The following ATXN7L1 variants were observed in gnomAD, a reference collection of about 807,000 sequenced individuals.
ATXN7L1 encodes the protein ataxin 7 like 1, also known as ataxin-7-like protein 1.
Under a neutral mutation model 70.8 loss-of-function variants are expected in ATXN7L1, and 15 were observed. The ratio of observed to expected loss-of-function variants is 0.21; its 90% confidence interval spans 0.14 to 0.33. The LOEUF (loss-of-function observed/expected upper bound fraction) is 0.33, where lower values mean the gene tolerates loss of function less well. Ranked by LOEUF, ATXN7L1 falls within the 10% of genes least tolerant of loss-of-function variation. ATXN7L1 has a pLI of 1.00. For missense variants in ATXN7L1, 975 were observed against 1,097.1 expected, an observed-to-expected ratio of 0.89 and a Z score of 1.57; for synonymous variants, 440 against 445.1, an observed-to-expected ratio of 0.99 and a Z score of 0.14.
intron 2 of ATXN7L1, among the ~76,000 whole-genome samples, chr7:105,806,292 T>C (rs1807589850): frequency 1.3e-5 from 2 of 152,038 alleles, no homozygotes; most frequent in African/African-American, 4.8e-5. Context: ...CATGATGGGA[T>C]TAGTGCCCTT....
At chr7:105,817,623 TAAC>T (rs989291195) in intron 2 of ATXN7L1, among the ~76,000 whole-genome samples, 1 of 152,112 alleles carries the variant, frequency 6.6e-6, no homozygotes, top group Non-Finnish European at 1.5e-5. Flanking sequence ...AGCAAAATGT[TAAC>T]AACAGTTGGG....
At chr7:105,781,525 T>C (rs982643465) in intron 3 of ATXN7L1, among the ~76,000 whole-genome samples, 1 of 152,138 alleles carries the variant, frequency 6.6e-6, no homozygotes, top group African/African-American at 2.4e-5. Context: ...TGGGCTGAGG[T>C]AAGGACCCAC....
chr7:105,752,938 T>C (rs1159156900), intron 3 of ATXN7L1, among the ~76,000 whole-genome samples: 1 of 151,888 alleles, frequency 6.6e-6, no homozygotes. Flanking sequence ...AAGCTCATAG[T>C]GAATTGAAGA....
At chr7:105,871,710 CAA>C (rs11350779) in intron 2 of ATXN7L1, among the ~76,000 whole-genome samples, 63 of 127,490 alleles carry the variant, frequency 4.9e-4, no homozygotes, top group African/African-American at 8.5e-4. Flanking sequence ...GATTCTGTCT[CAA>C]AAAAAAAAAA....
intron 3 of ATXN7L1, among the ~76,000 whole-genome samples, chr7:105,733,609 T>C (rs145677112): frequency 0.014 from 626 of 44,680 alleles, 2 homozygotes; most frequent in African/African-American, 0.038. Context: ...CATCCACCCA[T>C]CCATCCATCC....
At chr7:105,662,025 TC>T (rs1562967193) in intron 4 of ATXN7L1, among the ~76,000 whole-genome samples, 4 of 52,064 alleles carry the variant, frequency 7.7e-5, no homozygotes, top group Non-Finnish European at 1.4e-4. Flanking sequence ...TTTCTTTCTT[TC>T]TTTCCTTCCT....
chr7:105,671,104 C>CAAAAAAA (rs71155469), intron 3 of ATXN7L1, among the ~76,000 whole-genome samples: 7 of 89,706 alleles, frequency 7.8e-5, no homozygotes, highest in African/African-American at 2.0e-4. Context: ...GACTACGTCT[C>CAAAAAAA]AAAAAAAAAA....
At chr7:105,819,712 G>C (rs1032234475) in intron 2 of ATXN7L1, 2 of 892,844 alleles carry the variant, frequency 2.2e-6, no homozygotes, top group Admixed American at 1.8e-5. Context: ...TACCACTTCC[G>C]GGCCTCTAGC....
chr7:105,745,808 C>T (rs1222449949), intron 3 of ATXN7L1, among the ~76,000 whole-genome samples: 3 of 152,202 alleles, frequency 2.0e-5, no homozygotes, highest in Admixed American at 1.3e-4. Context: ...TGCTCTAATC[C>T]CATCTGTTCC....
intron 2 of ATXN7L1, among the ~76,000 whole-genome samples, chr7:105,820,934 AT>A (rs1193711925): frequency 6.6e-6 from 1 of 152,158 alleles, no homozygotes; most frequent in Non-Finnish European, 1.5e-5. Context: ...TTCAGCCATG[AT>A]TGTAATCTTC....
At chr7:105,617,578 T>A (rs957186529) in intron 9 of ATXN7L1, among the ~76,000 whole-genome samples, 2 of 152,188 alleles carry the variant, frequency 1.3e-5, no homozygotes, top group South Asian at 2.1e-4. Context: ...GGCAGCTCCC[T>A]GTCCCCAGGA....
chr7:105,811,030 A>G (rs1039274731), intron 2 of ATXN7L1, among the ~76,000 whole-genome samples: 1 of 152,224 alleles, frequency 6.6e-6, no homozygotes, highest in African/African-American at 2.4e-5. Context: ...TAGAAAGGCC[A>G]CAGATGAAGA....
chr7:105,692,391 T>TTCCC, intron 3 of ATXN7L1, among the ~76,000 whole-genome samples: 1 of 113,650 alleles, frequency 8.8e-6, no homozygotes. Flanking sequence ...CCTTCCTTCC[T>TTCCC]TCCTTCCTTC....
chr7:105,741,167 G>A (rs569517181), intron 3 of ATXN7L1, among the ~76,000 whole-genome samples: 7 of 152,104 alleles, frequency 4.6e-5, no homozygotes, highest in East Asian at 1.9e-4. Context: ...GGGGATGTGC[G>A]GAGGCTCAGC....
chr7:105,729,249 T>TGACTG (rs1796242152), intron 3 of ATXN7L1, among the ~76,000 whole-genome samples: 1 of 151,248 alleles, frequency 6.6e-6, no homozygotes, highest in South Asian at 2.1e-4. Flanking sequence ...CCAGCCTGGG[T>TGACTG]GACACAATGA....
intron 2 of ATXN7L1, among the ~76,000 whole-genome samples, chr7:105,832,743 A>G (rs1438165761): frequency 6.6e-6 from 1 of 152,198 alleles, no homozygotes; most frequent in Admixed American, 6.5e-5. Flanking sequence ...TCTCCTCCCC[A>G]GAGCCTGCTT....
chr7:105,642,461 C>T (rs1798414551), intron 5 of ATXN7L1, among the ~76,000 whole-genome samples: 1 of 152,234 alleles, frequency 6.6e-6, no homozygotes, highest in Admixed American at 6.5e-5. Flanking sequence ...GTGTGTTGTC[C>T]AGCTTCCCAG....
At chr7:105,847,581 G>A (rs1212713116) in intron 2 of ATXN7L1, among the ~76,000 whole-genome samples, 1 of 152,172 alleles carries the variant, frequency 6.6e-6, no homozygotes, top group African/African-American at 2.4e-5. Flanking sequence ...TAAAACTATT[G>A]TTTACCCCAA....
chr7:105,623,377 C>T (rs149519952), intron 8 of ATXN7L1, among the ~76,000 whole-genome samples: 5 of 152,142 alleles, frequency 3.3e-5, no homozygotes, highest in South Asian at 2.1e-4. Flanking sequence ...CTCAAGTGCT[C>T]GTACGCAAAC....
Sources: allele counts gnomAD v4.1 joint callset (sites outside exome capture counted in the v4.1 genomes callset), GRCh38; gene constraint gnomAD v4.1.1; transcripts MANE v1.5; gene names NCBI Gene and HGNC (gene_info 2026-07-23, HGNC 2026-07-21).